SEL1L2: variants seen among roughly 807,000 people sequenced by gnomAD.
The protein encoded by SEL1L2 is SEL1L2 adaptor subunit of SYVN1 ubiquitin ligase, also known as protein sel-1 homolog 2.
A neutral mutation model predicts 98.8 loss-of-function variants in SEL1L2; 89 were observed. The ratio of observed to expected loss-of-function variants is 0.90; its 90% CI spans 0.76 to 1.07. The LOEUF is 1.07. SEL1L2 is among the 50% of genes least tolerant of loss of function. The pLI, the probability that SEL1L2 is intolerant of heterozygous loss-of-function variation, is 0.00. For missense variants in SEL1L2, 788 were observed against 812.0 expected (o/e 0.97, Z 0.36); for synonymous variants, 262 against 278.5 (o/e 0.94, Z 0.59).
chr20:13,884,037 C>T (rs2046832700), intron 10 of SEL1L2, among the ~76,000 whole-genome samples: 1 of 152,114 alleles, frequency 6.6e-6, no homozygotes, highest in Non-Finnish European at 1.5e-5. Context: ...TATTTAAATT[C>T]CTACCTATTT....
intron 18 of SEL1L2, among the ~76,000 whole-genome samples, chr20:13,852,673 ACT>A (rs747606782): frequency 6.6e-6 from 1 of 152,138 alleles, no homozygotes; most frequent in Non-Finnish European, 1.5e-5. Flanking sequence ...CGAGCTGCAG[ACT>A]CTTGTTAAAA....
intron 1 of SEL1L2, among the ~76,000 whole-genome samples, chr20:13,979,339 A>G (rs2051697697): frequency 6.6e-6 from 1 of 152,198 alleles, no homozygotes; most frequent in South Asian, 2.1e-4. Flanking sequence ...CTAGTGTTCT[A>G]TGGTACTATA....
chr20:13,987,188 A>G (rs746286616), intron 1 of SEL1L2, among the ~76,000 whole-genome samples: 1 of 151,894 alleles, frequency 6.6e-6, no homozygotes, highest in African/African-American at 2.4e-5. Context: ...TAATAAATCT[A>G]TATTTCACGT....
intron 10 of SEL1L2, among the ~76,000 whole-genome samples, chr20:13,881,773 G>A (rs2046712974): frequency 6.6e-6 from 1 of 152,142 alleles, no homozygotes; most frequent in Non-Finnish European, 1.5e-5. Flanking sequence ...CAGTGGACTG[G>A]AGCATCATAT....
chr20:13,886,204 T>C (rs546012159), intron 9 of SEL1L2, 84 bp downstream of exon 9: 30 of 965,764 alleles, frequency 3.1e-5, no homozygotes, highest in Middle Eastern at 3.3e-4. Flanking sequence ...GATGGGGCAT[T>C]GTTCATCCCT....
At chr20:13,853,012 A>G (rs1253319988) in intron 18 of SEL1L2, among the ~76,000 whole-genome samples, 1 of 152,138 alleles carries the variant, frequency 6.6e-6, no homozygotes, top group Non-Finnish European at 1.5e-5. Flanking sequence ...GCCACCCACA[A>G]TCTCACTGTA....
chr20:13,919,959 T>G (rs1600749494), intron 3 of SEL1L2, among the ~76,000 whole-genome samples: 1 of 144,350 alleles, frequency 6.9e-6, no homozygotes. Context: ...CCAGGTGAGG[T>G]GGCTCACTCC....
intron 3 of SEL1L2, among the ~76,000 whole-genome samples, chr20:13,930,729 A>T (rs896667397): frequency 2.6e-5 from 4 of 152,200 alleles, no homozygotes; most frequent in Non-Finnish European, 5.9e-5. Context: ...AGAGACTAAC[A>T]TCAATGAGTT....
At chr20:13,986,861 C>T (rs6079247) in intron 1 of SEL1L2, among the ~76,000 whole-genome samples, 17,239 of 152,276 alleles carry the variant, frequency 0.11, 1,152 homozygotes, top group Admixed American at 0.18. Flanking sequence ...GAGACAGAGT[C>T]TTGCTCTGTC....
intron 1 of SEL1L2, among the ~76,000 whole-genome samples, chr20:13,958,649 T>C (rs886223889): frequency 1.3e-5 from 2 of 151,994 alleles, no homozygotes; most frequent in Admixed American, 6.6e-5. Flanking sequence ...AAGTTCTGCA[T>C]AGGAGGTCTG....
At chr20:13,857,058 A>G (rs1989281559) in intron 18 of SEL1L2, among the ~76,000 whole-genome samples, 1 of 152,198 alleles carries the variant, frequency 6.6e-6, no homozygotes. Flanking sequence ...TTTGACTCTG[A>G]GATGGCAAGA....
intron 1 of SEL1L2, among the ~76,000 whole-genome samples, chr20:13,972,377 T>C (rs1333254250): frequency 6.6e-6 from 1 of 152,236 alleles, no homozygotes; most frequent in African/African-American, 2.4e-5. Flanking sequence ...AGCTATTTTA[T>C]AACATCTGTT....
chr20:13,948,647 T>C (rs936562499), intron 2 of SEL1L2, among the ~76,000 whole-genome samples: 2 of 152,148 alleles, frequency 1.3e-5, no homozygotes, highest in Admixed American at 1.3e-4. Flanking sequence ...AACTATAAAA[T>C]ACTTAGAAGA....
chr20:13,955,241 A>G (rs1020704978), intron 2 of SEL1L2, among the ~76,000 whole-genome samples: 1 of 152,066 alleles, frequency 6.6e-6, no homozygotes, highest in Non-Finnish European at 1.5e-5. Flanking sequence ...GATAATTTTG[A>G]GAAGAAAAAT....
At chr20:13,905,631 C>G (rs2047893441) in intron 5 of SEL1L2, among the ~76,000 whole-genome samples, 1 of 151,872 alleles carries the variant, frequency 6.6e-6, no homozygotes, top group Admixed American at 6.6e-5. Context: ...TACCTTAATA[C>G]TTGAGCATTG....
intron 18 of SEL1L2, among the ~76,000 whole-genome samples, chr20:13,857,924 G>A (rs1324994939): frequency 6.6e-6 from 1 of 152,152 alleles, no homozygotes; most frequent in Non-Finnish European, 1.5e-5. Flanking sequence ...AATGGGTGAG[G>A]GGCCCAGGGA....
chr20:13,992,968 A>T (rs531631306), upstream of SEL1L2, among the ~76,000 whole-genome samples: 1 of 152,308 alleles, frequency 6.6e-6, no homozygotes, highest in African/African-American at 2.4e-5. Flanking sequence ...ATTTAGTCAC[A>T]TTGGAGATTA....
intron 1 of SEL1L2, among the ~76,000 whole-genome samples, chr20:13,974,148 T>G (rs985408952): frequency 6.6e-6 from 1 of 152,182 alleles, no homozygotes; most frequent in African/African-American, 2.4e-5. Flanking sequence ...GATGTTCAGG[T>G]GCAGGGCTGG....
chr20:13,950,601 G>A (rs182581595), intron 2 of SEL1L2, among the ~76,000 whole-genome samples: 15 of 152,294 alleles, frequency 9.8e-5, no homozygotes, highest in Admixed American at 7.8e-4. Context: ...AACAGGCACA[G>A]TTTAGATTAT....
Sources: allele counts gnomAD v4.1 joint callset (sites outside exome capture counted in the v4.1 genomes callset), GRCh38; gene constraint gnomAD v4.1.1; transcripts MANE v1.5; gene names NCBI Gene and HGNC (gene_info 2026-07-23, HGNC 2026-07-21).